LPP: variants seen among roughly 807,000 people sequenced by gnomAD.
The protein encoded by LPP is LIM domain containing preferred translocation partner in lipoma, also known as lipoma-preferred partner.
LPP carries 38 observed loss-of-function variants against 60.4 expected under a neutral mutation model. The observed-to-expected ratio is 0.63, with a 90% CI of 0.49 to 0.83. The LOEUF (loss-of-function observed/expected upper bound fraction) is 0.83, where lower values mean the gene tolerates loss of function less well. Among genes scored for constraint, LPP ranks in the 40% least tolerant of loss-of-function variants. LPP has a pLI of 0.00. For missense variants in LPP, 902 were observed against 783.6 expected (o/e 1.15, Z -1.80); for synonymous variants, 328 against 290.8 (o/e 1.13, Z -1.30).
intron 8 of LPP, chr3:188,709,429 TCACTGCAAC>T (rs1462761331): frequency 6.6e-6 from 1 of 152,244 alleles, no homozygotes; most frequent in African/African-American, 2.4e-5. Flanking sequence ...TGATCTTGGC[TCACTGCAAC>T]CTCCACCTCC....
At chr3:188,839,855 C>T (rs1011413276) in intron 9 of LPP, among the ~76,000 whole-genome samples, 6 of 151,902 alleles carry the variant, frequency 3.9e-5, no homozygotes, top group East Asian at 1.9e-4. Context: ...TCCAGCCTGG[C>T]GACAGAGTGA....
rs147869112 is a variant in LPP at position 188,205,172 on chromosome 3, C to T, written c.-189-20233C>T. Reference sequence around the variant, plus strand: ...ATAAAAGCCTTAGGAGGTAGATAAACAATATTATTTTCCATTTTACAGATG... The same window carrying T: ...ATAAAAGCCTTAGGAGGTAGATAAATAATATTATTTTCCATTTTACAGATG... On this transcript the variant is annotated intron_variant, in intron 1 of 11. Coordinates refer to ENST00000617246, the MANE Select transcript of LPP (RefSeq NM_001375462.1). 2.6e-3 allele frequency among the ~76,000 whole-genome samples: 385 copies of T among 149,598 alleles called. 2 individuals are homozygous for T. The highest frequency in any genetic ancestry group is 4.2e-3 in the Non-Finnish European group (285 of 67,510).
chr3:188,875,082 A>G lies in LPP; in HGVS notation c.*603A>G, dbSNP rs546997664. 20 of 220,120 alleles carry G rather than the reference A, an allele frequency of 9.1e-5. No individual in the cohort carries two copies. The South Asian group carries it at 2.0e-3, about 22-fold the overall frequency. The allele number at this position is 220,120 out of a possible 1,614,324, so 13.6% of individuals were successfully genotyped here. A position where few individuals can be genotyped will look rare whatever the true frequency, so the allele number is the denominator to read the frequency against. On this transcript the variant is annotated 3_prime_UTR_variant, in exon 12 of 12. Transcript: ENST00000617246. ...AGAACAAGCCCAAATTTAATTTGCA[A>G]CCATCAGAATTCAGAATCTATAGTG...
intron 6 of LPP, among the ~76,000 whole-genome samples, chr3:188,579,140 G>T (rs1454262360): frequency 6.6e-6 from 1 of 152,200 alleles, no homozygotes; most frequent in Non-Finnish European, 1.5e-5. Flanking sequence ...CTGCTGACCA[G>T]CACTTGCAGA....
chr3:188,790,067 G>T (rs79562213), intron 9 of LPP, among the ~76,000 whole-genome samples: 1 of 152,180 alleles, frequency 6.6e-6, no homozygotes, highest in South Asian at 2.1e-4. Flanking sequence ...GACAGTAGGC[G>T]TATTTGCATA....
intron 8 of LPP, among the ~76,000 whole-genome samples, chr3:188,739,865 T>A (rs938950863): frequency 2.6e-5 from 4 of 152,094 alleles, no homozygotes; most frequent in Non-Finnish European, 2.9e-5. Context: ...ACAATTTGAC[T>A]GAGAATACTG....
chr3:188,614,992 T>G (rs1383080825), intron 7 of LPP, among the ~76,000 whole-genome samples: 2 of 152,172 alleles, frequency 1.3e-5, no homozygotes, highest in East Asian at 3.8e-4. Flanking sequence ...TAATATGGAG[T>G]TCAGTCATCC....
intron 3 of LPP, among the ~76,000 whole-genome samples, chr3:188,361,636 G>A (rs79123567): frequency 0.052 from 7,561 of 144,234 alleles, 269 homozygotes; most frequent in East Asian, 0.22. Flanking sequence ...GCACAATCTC[G>A]GCTCACTGCA....
intron 2 of LPP, among the ~76,000 whole-genome samples, chr3:188,240,590 T>A (rs920043921): frequency 6.6e-6 from 1 of 152,024 alleles, no homozygotes; most frequent in East Asian, 1.9e-4. Context: ...TGTTATTGAG[T>A]AGTTAGGATA....
rs116977742 is a variant in LPP at position 188,695,263 on chromosome 3, G to T, written c.1114-13004G>T. The stretch of plus-strand genomic sequence containing the variant: ...CTACCTTTCAGAGTTTGTGGGAATG[G>T]ATAAAAGATTCCTTCAATATGACTA... On this transcript the variant is annotated intron_variant, in intron 7 of 11. Transcript: ENST00000617246. Among the ~76,000 whole-genome samples the T allele has an allele frequency of 4.6e-5, 7 of 152,204 alleles. No homozygotes were observed. In the East Asian group the frequency reaches 9.7e-4, roughly 21 times the overall value.
chr3:188,451,188 G>A (rs955084610), intron 4 of LPP, among the ~76,000 whole-genome samples: 6 of 151,950 alleles, frequency 3.9e-5, no homozygotes, highest in African/African-American at 1.5e-4. Flanking sequence ...TAATATGATG[G>A]GTATGGAACT....
chr3:188,341,622 G>T, intron 2 of LPP, 41 bp from the exon 3 acceptor site: 1 of 815,504 alleles, frequency 1.2e-6, no homozygotes, highest in South Asian at 5.8e-5. Flanking sequence ...TGGGTTTGGT[G>T]TCTGGAAGTA....
intron 4 of LPP, among the ~76,000 whole-genome samples, chr3:188,441,756 T>C (rs1794013203): frequency 6.6e-6 from 1 of 151,028 alleles, no homozygotes; most frequent in African/African-American, 2.4e-5. Flanking sequence ...GAGTAGTTGG[T>C]ACTACAGGCG....
intron 9 of LPP, among the ~76,000 whole-genome samples, chr3:188,805,335 A>G (rs1748767379): frequency 6.6e-6 from 1 of 151,944 alleles, no homozygotes; most frequent in Non-Finnish European, 1.5e-5. Flanking sequence ...TTTCTTTGTT[A>G]GAAGGCTTTA....
chr3:188,334,852 AT>A (rs576726766), intron 2 of LPP, among the ~76,000 whole-genome samples: 1 of 151,676 alleles, frequency 6.6e-6, no homozygotes, highest in Non-Finnish European at 1.5e-5. Context: ...AGCGTTTCTT[AT>A]TTTTTTTGTC....
chr3:188,831,865 GCT>G (rs1424064932), intron 9 of LPP, among the ~76,000 whole-genome samples: 4 of 152,130 alleles, frequency 2.6e-5, no homozygotes, highest in African/African-American at 9.7e-5. Context: ...TTCTGAGTAT[GCT>G]ATACCACCTC....
At chr3:188,678,726 T>C (rs2149339903) in intron 7 of LPP, among the ~76,000 whole-genome samples, 1 of 152,316 alleles carries the variant, frequency 6.6e-6, no homozygotes, top group South Asian at 2.1e-4. Context: ...TTGGATGTGA[T>C]GAGGGATATG....
intron 7 of LPP, among the ~76,000 whole-genome samples, chr3:188,637,553 C>CA (rs978056063): frequency 1.3e-5 from 2 of 150,442 alleles, no homozygotes; most frequent in African/African-American, 4.9e-5. Flanking sequence ...AAAAACCCTT[C>CA]AAAAAATTAA....
At chr3:188,793,688 A>C (rs578019218) in intron 9 of LPP, among the ~76,000 whole-genome samples, 66 of 152,258 alleles carry the variant, frequency 4.3e-4, no homozygotes, top group African/African-American at 1.5e-3. Context: ...TAAATGGGCA[A>C]CTTTTCTAGC....
Sources: allele counts gnomAD v4.1 joint callset (sites outside exome capture counted in the v4.1 genomes callset), GRCh38; gene constraint gnomAD v4.1.1; transcripts MANE v1.5; gene names NCBI Gene and HGNC (gene_info 2026-07-23, HGNC 2026-07-21).